REEP3: variants seen among roughly 807,000 people sequenced by gnomAD.
The protein encoded by REEP3 is receptor accessory protein 3, also known as receptor expression-enhancing protein 3.
REEP3 carries 20 observed loss-of-function variants against 41.3 expected under a neutral mutation model. That is an observed-to-expected ratio of 0.48 (90% CI 0.34 to 0.70). The LOEUF (loss-of-function observed/expected upper bound fraction) is 0.70. REEP3 is among the 30% of genes least tolerant of loss of function. The probability of loss-of-function intolerance (pLI) is 0.01; values close to 1 mark genes in which losing one functional copy is unlikely to be tolerated. For synonymous variants in REEP3, 104 were observed against 101.8 expected (o/e 1.02, Z -0.13); for missense variants, 271 against 308.8 (o/e 0.88, Z 0.92).
chr10:63,557,044 T>C (rs185216372), intron 1 of REEP3, among the ~76,000 whole-genome samples: 2 of 152,182 alleles, frequency 1.3e-5, no homozygotes, highest in Admixed American at 6.5e-5. Flanking sequence ...TAGTGTTCCA[T>C]TGTCCTCCCA....
At chr10:63,574,710 C>T (rs552876486) in intron 2 of REEP3, among the ~76,000 whole-genome samples, 1 of 152,046 alleles carries the variant, frequency 6.6e-6, no homozygotes, top group Non-Finnish European at 1.5e-5. Flanking sequence ...GTATCCAGAC[C>T]CAAACTTTCC....
intron 2 of REEP3, among the ~76,000 whole-genome samples, chr10:63,593,794 G>T (rs1318396291): frequency 2.0e-5 from 3 of 152,212 alleles, no homozygotes; most frequent in African/African-American, 7.2e-5. Context: ...AGCATGCCCT[G>T]ACTCAGAAGA....
intron 1 of REEP3, among the ~76,000 whole-genome samples, chr10:63,539,461 A>G (rs1459794832): frequency 1.3e-5 from 2 of 152,188 alleles, no homozygotes; most frequent in Non-Finnish European, 2.9e-5. Context: ...AACATGGTTG[A>G]TAGACCATAT....
intron 2 of REEP3, among the ~76,000 whole-genome samples, chr10:63,587,638 A>G (rs1229934728): frequency 6.6e-6 from 1 of 152,202 alleles, no homozygotes; most frequent in Non-Finnish European, 1.5e-5. Flanking sequence ...TTAATATTTG[A>G]AAACTCAGAT....
At chr10:63,611,342 G>A (rs981544592) in intron 6 of REEP3, among the ~76,000 whole-genome samples, 1 of 152,140 alleles carries the variant, frequency 6.6e-6, no homozygotes, top group African/African-American at 2.4e-5. Flanking sequence ...TTTTAAGCAC[G>A]TGATAAAAGA....
chr10:63,567,589 G>A (rs1478063517), intron 2 of REEP3, among the ~76,000 whole-genome samples: 1 of 152,088 alleles, frequency 6.6e-6, no homozygotes, highest in Non-Finnish European at 1.5e-5. Context: ...CCATTCATCT[G>A]TTGACAGACA....
intron 1 of REEP3, among the ~76,000 whole-genome samples, chr10:63,551,733 A>G (rs1955630683): frequency 6.6e-6 from 1 of 152,216 alleles, no homozygotes; most frequent in Non-Finnish European, 1.5e-5. Context: ...GAGCTTGGGA[A>G]AACATGATGA....
rs920691754 is a variant in REEP3 at position 63,620,720 on chromosome 10, TA to T, written c.712-86del. The stretch of plus-strand genomic sequence containing the variant: ...GAATTCATTCTTTATATCAAAAAGG[TA>T]AAAAAATTACTATGATTATGAACTA... On this transcript the variant is annotated intron_variant, in intron 7 of 7. Coordinates refer to ENST00000373758, the MANE Select transcript of REEP3 (RefSeq NM_001001330.3). 4.6e-5 allele frequency: 35 copies of T among 761,092 alleles called. 1 individual carries two copies. Among genetic ancestry groups the T allele is most frequent in the Admixed American group, 9.2e-5 (3 of 32,518 alleles). The allele number at this position is 761,092 out of a possible 1,614,324, so 47.1% of individuals were successfully genotyped here. A position where few individuals can be genotyped will look rare whatever the true frequency, so the allele number is the denominator to read the frequency against.
chr10:63,526,162 T>C (rs1007785230), intron 1 of REEP3, among the ~76,000 whole-genome samples: 4 of 152,244 alleles, frequency 2.6e-5, no homozygotes, highest in South Asian at 2.1e-4. Flanking sequence ...AAAAATGTTA[T>C]ACTAGTCTTT....
At chr10:63,594,053 A>G (rs1263810563) in intron 2 of REEP3, among the ~76,000 whole-genome samples, 2 of 152,082 alleles carry the variant, frequency 1.3e-5, no homozygotes, top group Non-Finnish European at 2.9e-5. Flanking sequence ...AAGATTAAAT[A>G]TAGTCTTATA....
At chr10:63,594,365 C>T (rs1956094334) in intron 2 of REEP3, among the ~76,000 whole-genome samples, 1 of 152,096 alleles carries the variant, frequency 6.6e-6, no homozygotes. Flanking sequence ...TGCACTTCAG[C>T]GTACCCTGTC....
At chr10:63,554,228 T>C (rs1955656737) in intron 1 of REEP3, among the ~76,000 whole-genome samples, 3 of 152,184 alleles carry the variant, frequency 2.0e-5, no homozygotes, top group African/African-American at 7.2e-5. Context: ...ACAACTCCTC[T>C]GAGTCAAGAG....
chr10:63,581,665 C>G (rs922158453), intron 2 of REEP3, among the ~76,000 whole-genome samples: 1 of 151,896 alleles, frequency 6.6e-6, no homozygotes, highest in Non-Finnish European at 1.5e-5. Context: ...ATCGCTTGAG[C>G]CCAAGAGTTC....
intron 2 of REEP3, among the ~76,000 whole-genome samples, chr10:63,589,531 G>A (rs961234161): frequency 2.6e-5 from 4 of 152,112 alleles, no homozygotes; most frequent in Non-Finnish European, 5.9e-5. Context: ...CCAGTTAGCT[G>A]TGACCGTGGC....
chr10:63,533,667 A>G (rs117414653), intron 1 of REEP3, among the ~76,000 whole-genome samples: 2,003 of 150,914 alleles, frequency 0.013, 29 homozygotes, highest in African/African-American at 0.034. Context: ...TTAAAGATAT[A>G]CCTATATAAG....
intron 2 of REEP3, among the ~76,000 whole-genome samples, chr10:63,594,056 G>A (rs1057255671): frequency 6.6e-6 from 1 of 151,866 alleles, no homozygotes; most frequent in Non-Finnish European, 1.5e-5. Flanking sequence ...ATTAAATATA[G>A]TCTTATACTA....
chr10:63,528,019 C>G (rs1033090102), intron 1 of REEP3, among the ~76,000 whole-genome samples: 7 of 151,584 alleles, frequency 4.6e-5, no homozygotes, highest in Non-Finnish European at 7.4e-5. Flanking sequence ...GCACATTTCT[C>G]CATGTTCCTT....
intron 2 of REEP3, among the ~76,000 whole-genome samples, chr10:63,588,683 G>A (rs1175596181): frequency 6.6e-6 from 1 of 152,100 alleles, no homozygotes; most frequent in Non-Finnish European, 1.5e-5. Flanking sequence ...ATTCTACTAG[G>A]GAAAAAGCAG....
chr10:63,610,110 A>G (rs1190817173), intron 5 of REEP3, 77 bp from the exon 6 acceptor site: 6 of 1,231,672 alleles, frequency 4.9e-6, no homozygotes, highest in African/African-American at 3.0e-5. Flanking sequence ...AAGTTATCTT[A>G]ATAAAATGTT....
Sources: gnomAD v4.1 joint callset for allele counts (sites outside exome capture counted in the v4.1 genomes callset) on GRCh38, gnomAD v4.1.1 for gene constraint, MANE v1.5 for transcripts, NCBI Gene and HGNC (gene_info 2026-07-23, HGNC 2026-07-21) for gene names.